Variants in UNC5D observed in about 807,000 individuals in gnomAD.
UNC5D encodes netrin receptor UNC5D.
In UNC5D, 39 loss-of-function variants were observed where a neutral mutation model predicts 105.4. The ratio of observed to expected loss-of-function variants is 0.37; its 90% CI spans 0.29 to 0.48. UNC5D has a LOEUF of 0.48. Ranked by LOEUF, UNC5D falls within the 20% of genes least tolerant of loss-of-function variation. The pLI is 0.98. For missense variants in UNC5D, 991 were observed against 1,202.4 expected, an observed-to-expected ratio of 0.82 and a Z score of 2.60; for synonymous variants, 452 against 450.4, an observed-to-expected ratio of 1.00 and a Z score of -0.04.
At chr8:35,678,014 G>A (rs1019220259) in intron 4 of UNC5D, among the ~76,000 whole-genome samples, 1 of 151,742 alleles carries the variant, frequency 6.6e-6, no homozygotes, top group African/African-American at 2.4e-5. Context: ...ACACACCTAG[G>A]ACACCTTATT....
At position 35,786,587 on chromosome 8, in the gene UNC5D, T is replaced by C. The variant is rs75892168; in HGVS notation, c.2658-3772T>C. Among the ~76,000 whole-genome samples, 631 of 152,302 alleles carry C rather than the reference T, an allele frequency of 4.1e-3. 11 individuals carry two copies. In the East Asian group the frequency reaches 0.055, roughly 13 times the overall value. On this transcript the variant is annotated intron_variant, in intron 16 of 16. Transcript: ENST00000404895. ...AGTTTGTATGCCTCTCTAAAGGTTC[T>C]GTTATTGCGTTTTTATGCCCTGGTG...
At chr8:35,311,650 G>A (rs559800799) in intron 1 of UNC5D, among the ~76,000 whole-genome samples, 1 of 152,238 alleles carries the variant, frequency 6.6e-6, no homozygotes, top group African/African-American at 2.4e-5. Context: ...ATGAGCTATG[G>A]TTTGATGATG....
At chr8:35,608,301 C>T (rs547259125) in intron 4 of UNC5D, among the ~76,000 whole-genome samples, 372 of 152,166 alleles carry the variant, frequency 2.4e-3, no homozygotes, top group Non-Finnish European at 4.2e-3. Context: ...CAGAAATTCT[C>T]GGCTGAGAAG....
intron 1 of UNC5D, among the ~76,000 whole-genome samples, chr8:35,451,387 A>T (rs1808143682): frequency 6.6e-6 from 1 of 152,084 alleles, no homozygotes; most frequent in Admixed American, 6.6e-5. Flanking sequence ...TGGCAAGTGA[A>T]CACTTCATCT....
intron 2 of UNC5D, among the ~76,000 whole-genome samples, chr8:35,552,092 A>G (rs1300224296): frequency 2.0e-5 from 3 of 152,192 alleles, no homozygotes; most frequent in African/African-American, 7.2e-5. Context: ...TTCATTTCAA[A>G]TTGGAATTAG....
intron 1 of UNC5D, among the ~76,000 whole-genome samples, chr8:35,247,278 T>G (rs1461791832): frequency 5.6e-4 from 1 of 1,776 alleles, no homozygotes; most frequent in Non-Finnish European, 1.3e-3. Flanking sequence ...TTACAGAGAT[T>G]TTTTTTTTTT....
intron 11 of UNC5D, among the ~76,000 whole-genome samples, chr8:35,748,191 G>A (rs891509467): frequency 6.6e-6 from 1 of 152,130 alleles, no homozygotes; most frequent in African/African-American, 2.4e-5. Flanking sequence ...CATTGATAAT[G>A]GCATCAACAA....
chr8:35,253,604 C>T (rs538576674), intron 1 of UNC5D, among the ~76,000 whole-genome samples: 30 of 151,158 alleles, frequency 2.0e-4, no homozygotes, highest in African/African-American at 6.6e-4. Context: ...CTCCTGCCTC[C>T]GCCTCCCGAG....
At chr8:35,630,263 C>T (rs1821954948) in intron 4 of UNC5D, among the ~76,000 whole-genome samples, 1 of 152,174 alleles carries the variant, frequency 6.6e-6, no homozygotes, top group African/African-American at 2.4e-5. Context: ...TATACAAATA[C>T]TCTTTTATCC....
At chr8:35,521,260 C>T (rs1159998138) in intron 1 of UNC5D, among the ~76,000 whole-genome samples, 1 of 151,948 alleles carries the variant, frequency 6.6e-6, no homozygotes, top group Non-Finnish European at 1.5e-5. Flanking sequence ...GAGAAAATAA[C>T]AAAGAAGAAG....
chr8:35,283,658 G>C (rs1178610817), intron 1 of UNC5D, among the ~76,000 whole-genome samples: 1 of 152,052 alleles, frequency 6.6e-6, no homozygotes, highest in Non-Finnish European at 1.5e-5. Flanking sequence ...ACAAAAATTA[G>C]CTGGGCATGG....
chr8:35,567,881 G>A (rs557693245), intron 2 of UNC5D, among the ~76,000 whole-genome samples: 28 of 152,244 alleles, frequency 1.8e-4, no homozygotes, highest in East Asian at 5.8e-4. Flanking sequence ...CATGGGAGCC[G>A]GAATTGGTTG....
At chr8:35,686,397 G>A in intron 6 of UNC5D, 148 bp from the exon 7 acceptor site, 1 of 840,704 alleles carries the variant, frequency 1.2e-6, no homozygotes. Context: ...AGAAACCATG[G>A]AGAGAAGATA....
intron 7 of UNC5D, among the ~76,000 whole-genome samples, chr8:35,691,983 C>T (rs1273450910): frequency 1.3e-5 from 2 of 152,108 alleles, no homozygotes; most frequent in African/African-American, 2.4e-5. Context: ...GAGACTAAAG[C>T]TAGAGAAATG....
At chr8:35,663,214 C>G (rs1362681876) in intron 4 of UNC5D, among the ~76,000 whole-genome samples, 8 of 152,214 alleles carry the variant, frequency 5.3e-5, no homozygotes, top group Non-Finnish European at 7.3e-5. Flanking sequence ...CTGATGCACA[C>G]CAGATCTACT....
intron 1 of UNC5D, among the ~76,000 whole-genome samples, chr8:35,413,257 C>CTG (rs1183992855): frequency 0.011 from 1,471 of 130,098 alleles, 34 homozygotes; most frequent in African/African-American, 0.041. Flanking sequence ...GGGGGCGGGT[C>CTG]TGTGTGTGTG....
At chr8:35,595,683 A>G (rs369251955) in intron 4 of UNC5D, 26 bp downstream of exon 4, 1 of 1,603,862 alleles carries the variant, frequency 6.2e-7, no homozygotes, top group African/African-American at 1.3e-5. Context: ...GGGACCAGTC[A>G]CCGGGAGGAA....
chr8:35,705,995 T>C (rs756258033), intron 8 of UNC5D, 34 bp downstream of exon 8: 2 of 1,270,102 alleles, frequency 1.6e-6, no homozygotes, highest in African/African-American at 3.0e-5. Flanking sequence ...ATATAATTTA[T>C]TCTCATATTT....
chr8:35,266,738 T>C (rs1585449361), intron 1 of UNC5D, among the ~76,000 whole-genome samples: 1 of 152,316 alleles, frequency 6.6e-6, no homozygotes, highest in Middle Eastern at 3.4e-3. Flanking sequence ...TGGAATCAAA[T>C]GCAAGTTTCT....
Sources: allele counts gnomAD v4.1 joint callset (sites outside exome capture counted in the v4.1 genomes callset), GRCh38; gene constraint gnomAD v4.1.1; transcripts MANE v1.5; gene names NCBI Gene and HGNC (gene_info 2026-07-23, HGNC 2026-07-21).